ASB3: variants seen among roughly 807,000 people sequenced by gnomAD.
ASB3 encodes the protein ankyrin repeat and SOCS box containing 3, also known as ankyrin repeat and SOCS box protein 3.
In ASB3, 41 loss-of-function variants were observed where a neutral mutation model predicts 54.5. That is an observed-to-expected ratio of 0.75 (90% CI 0.59 to 0.98). The LOEUF (loss-of-function observed/expected upper bound fraction) is 0.98. Ranked by LOEUF, ASB3 falls within the 50% of genes least tolerant of loss-of-function variation. The pLI is 0.00. For synonymous variants in ASB3, 266 were observed against 221.2 expected, an observed-to-expected ratio of 1.20 and a Z score of -1.80; for missense variants, 733 against 620.0, an observed-to-expected ratio of 1.18 and a Z score of -1.94.
Position 53,727,296 on chromosome 2 carries a change from T to G in ASB3, c.604+1416A>C, listed in dbSNP as rs190355573. Among the ~76,000 whole-genome samples the G allele has an allele frequency of 2.6e-5, 4 of 152,288 alleles. No individual in the cohort carries two copies. In the East Asian group the frequency reaches 7.7e-4, roughly 29 times the overall value. ...TGTTTCTTTTACTTCCTACTCTGAC[T>G]TAAGTGTTTGAAGGTTTCTAAAAGA... On this transcript the variant is annotated intron_variant, in intron 5 of 9. Coordinates refer to ENST00000263634, the MANE Select transcript of ASB3 (RefSeq NM_016115.5).
intron 1 of ASB3, among the ~76,000 whole-genome samples, chr2:53,783,441 T>C (rs1427417975): frequency 6.6e-6 from 1 of 151,964 alleles, no homozygotes; most frequent in Non-Finnish European, 1.5e-5. Context: ...ACAGAGAAAA[T>C]GTCAAGAACA....
At chr2:53,714,833 T>C (rs1464808126) in intron 6 of ASB3, among the ~76,000 whole-genome samples, 2 of 152,200 alleles carry the variant, frequency 1.3e-5, no homozygotes, top group Non-Finnish European at 2.9e-5. Context: ...TTCCTATATG[T>C]AAACAGAAAA....
At chr2:53,679,220 A>G (rs936589533) in intron 9 of ASB3, among the ~76,000 whole-genome samples, 1 of 152,214 alleles carries the variant, frequency 6.6e-6, no homozygotes, top group Admixed American at 6.5e-5. Context: ...GCTGGAAAAT[A>G]CAACTACATG....
chr2:53,677,610 T>C (rs1668147238), intron 9 of ASB3, among the ~76,000 whole-genome samples: 2 of 152,232 alleles, frequency 1.3e-5, no homozygotes, highest in South Asian at 4.1e-4. Context: ...AGTTTTACTG[T>C]GGCAGGAGGA....
rs1442921431 is a variant in ASB3, at chr2:53,765,527, G to A, written c.46C>T (p.Leu16Phe). The A allele has an allele frequency of 3.1e-6, 5 of 1,614,184 alleles. No homozygotes were observed. Among genetic ancestry groups the A allele is most frequent in the Non-Finnish European group, 3.4e-6 (4 of 1,180,034 alleles). ...TTAACATTGCCTTCCCTGGCAGCAA[G>A]TCCAACTGTAGAGCACGTGTCCGCG... Reference protein sequence around the residue: ...AYADTCSTVGLAAREGNVKVL... With the variant: ...AYADTCSTVGFAAREGNVKVL... Residue 16 changes from leucine (L) to phenylalanine (F), a missense_variant, in exon 2 of 10, where the codon CTT (leucine) becomes TTT (phenylalanine). Coordinates refer to ENST00000263634, the MANE Select transcript of ASB3 (RefSeq NM_016115.5).
At chr2:53,750,285 C>T (rs1259015095) in intron 3 of ASB3, among the ~76,000 whole-genome samples, 3 of 152,084 alleles carry the variant, frequency 2.0e-5, no homozygotes, top group African/African-American at 7.2e-5. Flanking sequence ...TAGAATTTGG[C>T]TGTCGTCCTT....
chr2:53,731,814 G>A lies in ASB3; in HGVS notation c.356-2244C>T, dbSNP rs561681022. On this transcript the variant is annotated intron_variant, in intron 3 of 9. Transcript: ENST00000263634. ...ATTACAGGCACCCGCAATCATGCTC[G>A]GCTACTTTTTGGTATTTTTGTAGAG... Among the ~76,000 whole-genome samples the A allele has an allele frequency of 1.9e-4, 29 of 152,168 alleles. No individual in the cohort carries two copies. The South Asian group carries it at 4.4e-3, about 23-fold the overall frequency.
At chr2:53,700,651 T>C in intron 7 of ASB3, 123 bp from the exon 8 acceptor site, 1 of 1,324,050 alleles carries the variant, frequency 7.6e-7, no homozygotes, top group South Asian at 1.6e-5. Flanking sequence ...TAGTGGATGG[T>C]TTCTACACAT....
At chr2:53,744,361 G>A (rs549259912) in intron 3 of ASB3, among the ~76,000 whole-genome samples, 8 of 142,758 alleles carry the variant, frequency 5.6e-5, no homozygotes, top group Admixed American at 3.0e-4. Context: ...TCCAGCCTGG[G>A]CAGACAGAGC....
At chr2:53,747,733 T>G (rs562199176) in intron 3 of ASB3, among the ~76,000 whole-genome samples, 33 of 152,224 alleles carry the variant, frequency 2.2e-4, no homozygotes, top group African/African-American at 7.7e-4. Flanking sequence ...GGAACACTCT[T>G]TCTAGTTAAG....
intron 9 of ASB3, among the ~76,000 whole-genome samples, chr2:53,675,200 A>C (rs1040983473): frequency 7.2e-5 from 11 of 152,152 alleles, no homozygotes; most frequent in African/African-American, 2.7e-4. Context: ...CACCACACAA[A>C]TCCCAGGCAC....
At chr2:53,690,998 G>A (rs1053414339) in intron 9 of ASB3, among the ~76,000 whole-genome samples, 1 of 152,140 alleles carries the variant, frequency 6.6e-6, no homozygotes, top group Non-Finnish European at 1.5e-5. Context: ...ACCAGGAGTT[G>A]GCAAATTTTT....
chr2:53,759,494 G>A (rs573779339), intron 2 of ASB3, among the ~76,000 whole-genome samples: 12 of 152,240 alleles, frequency 7.9e-5, no homozygotes, highest in Admixed American at 7.2e-4. Context: ...TAGGCCCGGA[G>A]CAAAACTTAG....
chr2:53,784,616 T>G (rs1310456386), intron 1 of ASB3, among the ~76,000 whole-genome samples: 1 of 152,210 alleles, frequency 6.6e-6, no homozygotes, highest in East Asian at 1.9e-4. Context: ...ATCTTTAGCA[T>G]TCCTTGTCTT....
Position 53,786,920 on chromosome 2 carries a change from G to A in ASB3, c.-113C>T, listed in dbSNP as rs1573051553. On this transcript the variant is annotated 5_prime_UTR_variant, in exon 1 of 10. Transcript: ENST00000263634. The stretch of plus-strand genomic sequence containing the variant: ...CGCTTTCGATCCCCACCGCGATGCT[G>A]CAGCCGTCCGAAAACGAGAGACGCG... The A allele has an allele frequency of 1.0e-5, 4 of 393,312 alleles. No individual in the cohort carries two copies. Among genetic ancestry groups the A allele is most frequent in the Admixed American group, 4.1e-5 (1 of 24,422 alleles). 24.4% of individuals were successfully genotyped at this position (393,312 alleles called of 1,614,324 possible). A position where few individuals can be genotyped will look rare whatever the true frequency, so the allele number is the denominator to read the frequency against.
intron 3 of ASB3, among the ~76,000 whole-genome samples, chr2:53,734,415 C>G (rs1204627956): frequency 6.6e-6 from 1 of 152,134 alleles, no homozygotes; most frequent in Non-Finnish European, 1.5e-5. Flanking sequence ...ACTGAACTAC[C>G]CCCAAAGACT....
intron 1 of ASB3, among the ~76,000 whole-genome samples, chr2:53,775,836 T>C (rs1674303588): frequency 1.3e-5 from 2 of 152,200 alleles, no homozygotes; most frequent in Non-Finnish European, 2.9e-5. Flanking sequence ...CCTGCATAGA[T>C]TGTATTTTTT....
At position 53,717,354 on chromosome 2, in the gene ASB3, C is replaced by G. The variant is rs576449802; in HGVS notation, c.605-611G>C. Among the ~76,000 whole-genome samples the G allele has an allele frequency of 3.5e-4, 53 of 152,068 alleles. 1 individual carries two copies. Among genetic ancestry groups the G allele is most frequent in the African/African-American group, 1.3e-3 (52 of 41,414 alleles). On this transcript the variant is annotated intron_variant, in intron 5 of 9. Coordinates refer to ENST00000263634, the MANE Select transcript of ASB3 (RefSeq NM_016115.5). The stretch of plus-strand genomic sequence containing the variant: ...GTAGATATGACATATATGGGAGCCA[C>G]GCCTTAAAACTAATATTGACTATAC...
At chr2:53,714,713 C>T (rs767437685) in intron 6 of ASB3, 132 bp from the exon 7 acceptor site, 163 of 847,594 alleles carry the variant, frequency 1.9e-4, no homozygotes, top group Non-Finnish European at 2.6e-4. Context: ...CTAGGGTGTA[C>T]CTTCTACCAA....
Sources: gnomAD v4.1 joint callset for allele counts (sites outside exome capture counted in the v4.1 genomes callset) on GRCh38, gnomAD v4.1.1 for gene constraint, MANE v1.5 for transcripts, NCBI Gene and HGNC (gene_info 2026-07-23, HGNC 2026-07-21) for gene names.